Variants in CPLX2 observed in about 807,000 individuals in gnomAD.
CPLX2 encodes complexin 2, also known as complexin-2.
Under a neutral mutation model 16.3 loss-of-function variants are expected in CPLX2, and 5 were observed. That is an observed-to-expected ratio of 0.31 (90% CI 0.16 to 0.64). The LOEUF is 0.64. Among genes scored for constraint, CPLX2 ranks in the 30% least tolerant of loss-of-function variants. The pLI, the probability that CPLX2 is intolerant of heterozygous loss-of-function variation, is 0.79. For missense variants in CPLX2, 144 were observed against 181.4 expected, an observed-to-expected ratio of 0.79 and a Z score of 1.18; for synonymous variants, 89 against 73.2, an observed-to-expected ratio of 1.22 and a Z score of -1.10.
rs1561766328 is a variant in CPLX2 at position 175,799,551 on chromosome 5, TATATA to T, written c.-169+2768_-169+2772del. Reference sequence around the variant, plus strand: ...CCTTTGCAAATTTCATATATATATATATATATATATATATATATATATATAGTAAT... The same window carrying T: ...CCTTTGCAAATTTCATATATATATATTATATATATATATATATATAGTAAT... On this transcript the variant is annotated intron_variant, in intron 1 of 4. Transcript: ENST00000359546. 1.6e-4 allele frequency among the ~76,000 whole-genome samples: 22 copies of T among 137,096 alleles called. 1 individual carries two copies. The highest frequency in any genetic ancestry group is 4.7e-4 in the South Asian group (2 of 4,298). 89.9% of individuals were successfully genotyped at this position (137,096 alleles called of 152,430 possible).
intron 1 of CPLX2, among the ~76,000 whole-genome samples, chr5:175,799,607 C>T (rs1367080708): frequency 1.4e-5 from 2 of 141,656 alleles, no homozygotes; most frequent in Non-Finnish European, 3.0e-5. Flanking sequence ...CCTCAAACTC[C>T]TGGGCTTAAG....
At chr5:175,821,863 A>T (rs563433617) in intron 2 of CPLX2, among the ~76,000 whole-genome samples, 1 of 152,260 alleles carries the variant, frequency 6.6e-6, no homozygotes, top group Admixed American at 6.5e-5. Flanking sequence ...GAGATGAGTC[A>T]TGTACCTAAA....
intron 2 of CPLX2, among the ~76,000 whole-genome samples, chr5:175,823,104 C>T (rs1338019382): frequency 6.6e-6 from 1 of 152,248 alleles, no homozygotes; most frequent in Non-Finnish European, 1.5e-5. Flanking sequence ...GCTCTAGCAG[C>T]ACCTTATGCT....
chr5:175,873,132 T>G (rs1759674465), intron 1 of CPLX2: 1 of 80,962 alleles, frequency 1.2e-5, no homozygotes, highest in Non-Finnish European at 2.5e-5. Context: ...CTCACCCCCC[T>G]TCCCGCGCAG....
intron 1 of CPLX2, among the ~76,000 whole-genome samples, chr5:175,873,562 C>G (rs939083812): frequency 6.6e-6 from 1 of 152,080 alleles, no homozygotes; most frequent in Non-Finnish European, 1.5e-5. Context: ...GGCAATACTG[C>G]CCCCAGAAAG....
At chr5:175,862,150 A>G (rs1366879393) in intron 2 of CPLX2, among the ~76,000 whole-genome samples, 4 of 152,244 alleles carry the variant, frequency 2.6e-5, no homozygotes, top group Non-Finnish European at 5.9e-5. Context: ...CTCACCATGT[A>G]TCCCCAGCAA....
intron 2 of CPLX2, among the ~76,000 whole-genome samples, chr5:175,860,563 A>G (rs1449068429): frequency 1.7e-5 from 2 of 119,802 alleles, no homozygotes; most frequent in African/African-American, 6.4e-5. Flanking sequence ...AAAGAAAGAA[A>G]AAGAAGGGAG....
chr5:175,857,628 A>C (rs1233053250), intron 2 of CPLX2, among the ~76,000 whole-genome samples: 1 of 152,220 alleles, frequency 6.6e-6, no homozygotes, highest in East Asian at 1.9e-4. Flanking sequence ...TGAATGTTGT[A>C]CTGAAAGTGG....
rs963191795 is a variant in CPLX2, at chr5:175,858,855, A to G, written c.-88-19797A>G. Among the ~76,000 whole-genome samples, 10 of 152,232 alleles carry G rather than the reference A, an allele frequency of 6.6e-5. No individual in the cohort carries two copies. In the East Asian group the frequency reaches 1.9e-3, roughly 29 times the overall value. On this transcript the variant is annotated intron_variant, in intron 2 of 4. Transcript: ENST00000359546. The stretch of plus-strand genomic sequence containing the variant: ...ACCAAGGGAGCCTGTTGATTGGTCT[A>G]TGTGGGGCAGCCTCCTGGCCACAGG...
At chr5:175,870,888 T>C (rs1387582184), upstream of CPLX2, among the ~76,000 whole-genome samples, 2 of 152,196 alleles carry the variant, frequency 1.3e-5, no homozygotes, top group Non-Finnish European at 2.9e-5. Context: ...CCTGACCCAC[T>C]GCGAGGGTCT....
chr5:175,806,664 A>ATTTT (rs5873514), intron 1 of CPLX2, among the ~76,000 whole-genome samples: 6 of 143,048 alleles, frequency 4.2e-5, no homozygotes, highest in Admixed American at 6.9e-5. Flanking sequence ...TTAATTTTGT[A>ATTTT]TTTTTTTTTT....
chr5:175,850,914 G>A (rs991982484), intron 2 of CPLX2, among the ~76,000 whole-genome samples: 23 of 151,918 alleles, frequency 1.5e-4, no homozygotes, highest in African/African-American at 5.6e-4. Flanking sequence ...GTGGTGCAGA[G>A]TGGGGCTGGG....
chr5:175,828,349 G>C (rs781009598), intron 2 of CPLX2, among the ~76,000 whole-genome samples: 1 of 152,140 alleles, frequency 6.6e-6, no homozygotes, highest in Non-Finnish European at 1.5e-5. Flanking sequence ...AAGAAGACTC[G>C]GGGGCATGTG....
intron 2 of CPLX2, among the ~76,000 whole-genome samples, chr5:175,833,259 G>A (rs1049210169): frequency 3.3e-5 from 5 of 152,086 alleles, no homozygotes; most frequent in Admixed American, 2.0e-4. Context: ...CTTTTGTTAC[G>A]GAGGCTTCAT....
intron 1 of CPLX2, among the ~76,000 whole-genome samples, chr5:175,802,945 C>T (rs981086478): frequency 1.3e-5 from 2 of 152,092 alleles, no homozygotes; most frequent in African/African-American, 4.8e-5. Flanking sequence ...AATTCTCCTG[C>T]CTCAGCCTCC....
intron 2 of CPLX2, among the ~76,000 whole-genome samples, chr5:175,824,780 A>G (rs1758580251): frequency 6.6e-6 from 1 of 152,232 alleles, no homozygotes; most frequent in Non-Finnish European, 1.5e-5. Flanking sequence ...TTGAGCATCA[A>G]AGAGGATCCG....
chr5:175,798,218 G>A (rs983257313), intron 1 of CPLX2, among the ~76,000 whole-genome samples: 1 of 152,228 alleles, frequency 6.6e-6, no homozygotes, highest in Non-Finnish European at 1.5e-5. Context: ...AAAGAGGAAT[G>A]AGAAGATCAA....
chr5:175,879,369 G>T (rs1418731335), intron 3 of CPLX2, among the ~76,000 whole-genome samples: 1 of 152,358 alleles, frequency 6.6e-6, no homozygotes, highest in Admixed American at 6.5e-5. Context: ...GTGCAGTTCT[G>T]AATTTGGGAA....
chr5:175,859,385 C>T (rs899043714), intron 2 of CPLX2, among the ~76,000 whole-genome samples: 1 of 152,258 alleles, frequency 6.6e-6, no homozygotes, highest in East Asian at 1.9e-4. Flanking sequence ...GATCATAGCT[C>T]TGAGATGAAA....
Sources: allele counts gnomAD v4.1 joint callset (sites outside exome capture counted in the v4.1 genomes callset), GRCh38; gene constraint gnomAD v4.1.1; transcripts MANE v1.5; gene names NCBI Gene and HGNC (gene_info 2026-07-23, HGNC 2026-07-21).